Variants in TNRC6B observed in about 807,000 individuals in gnomAD.
The protein encoded by TNRC6B is trinucleotide repeat containing adaptor 6B.
A neutral mutation model predicts 203.6 loss-of-function variants in TNRC6B; 52 were observed. That is an observed-to-expected ratio of 0.26 (90% CI 0.20 to 0.32). The LOEUF (loss-of-function observed/expected upper bound fraction) is 0.32. TNRC6B is among the 10% of genes least tolerant of loss of function. The probability of loss-of-function intolerance (pLI) is 1.00; values close to 1 mark genes in which losing one functional copy is unlikely to be tolerated. For synonymous variants in TNRC6B, 838 were observed against 845.7 expected (o/e 0.99, Z 0.16); for missense variants, 1,923 against 2,286.2 (o/e 0.84, Z 3.24).
chr22:40,320,461 C>T (rs2071320404), intron 21 of TNRC6B, among the ~76,000 whole-genome samples: 1 of 152,184 alleles, frequency 6.6e-6, no homozygotes, highest in Non-Finnish European at 1.5e-5. Context: ...GCCTGGGCAA[C>T]AGAGCAAGGC....
chr22:40,289,406 T>C (rs182605669), intron 12 of TNRC6B, among the ~76,000 whole-genome samples: 10 of 152,306 alleles, frequency 6.6e-5, no homozygotes, highest in Admixed American at 6.5e-4. Flanking sequence ...TACAGGAGTC[T>C]AGGTAAGGCA....
At chr22:40,297,022 C>T (rs1166872737) in intron 12 of TNRC6B, among the ~76,000 whole-genome samples, 1 of 152,134 alleles carries the variant, frequency 6.6e-6, no homozygotes, top group Admixed American at 6.5e-5. Context: ...AGGAAAGAAT[C>T]TAGATTATCA....
rs1430830429 is a variant in TNRC6B, at chr22:40,170,450, T to A, written c.113+14268T>A. ...TTATATATATAGTTTATATATATATTATATATATAGTTTATATATATATTA... is the reference window on the plus strand; with the variant it reads ...TTATATATATAGTTTATATATATATAATATATATAGTTTATATATATATTA... On this transcript the variant is annotated intron_variant, in intron 4 of 23. Transcript: ENST00000301923. 1.1e-3 allele frequency among the ~76,000 whole-genome samples: 16 copies of A among 13,974 alleles called. No homozygotes were observed. The East Asian group carries it at 0.019, about 17-fold the overall frequency. 9.2% of individuals were successfully genotyped at this position (13,974 alleles called of 152,430 possible). A position where few individuals can be genotyped will look rare whatever the true frequency, so the allele number is the denominator to read the frequency against.
chr22:40,250,626 G>T (rs1201025979), intron 2 of TNRC6B, among the ~76,000 whole-genome samples: 3 of 152,090 alleles, frequency 2.0e-5, no homozygotes, highest in Admixed American at 6.5e-5. Context: ...CCTTTGCAGG[G>T]TTTATACTAT....
At position 40,242,329 on chromosome 22, in the gene TNRC6B, A is replaced by G. The variant is rs185624317; in HGVS notation, c.6-3686A>G. Among the ~76,000 whole-genome samples, 11 of 152,314 alleles carry G rather than the reference A, an allele frequency of 7.2e-5. No homozygotes were observed. The East Asian group carries it at 2.1e-3, about 29-fold the overall frequency. ...GAGTTCACGTCAATAACTAATTTAG[A>G]TCCAACCCCACAGAGTTCATTTGAG... On this transcript the variant is annotated intron_variant, in intron 1 of 22. Coordinates refer to ENST00000454349, the MANE Select transcript of TNRC6B (RefSeq NM_001162501.2).
intron 3 of TNRC6B, among the ~76,000 whole-genome samples, chr22:40,150,559 C>CA (rs1304941040): frequency 2.6e-5 from 4 of 152,286 alleles, no homozygotes; most frequent in Non-Finnish European, 5.9e-5. Context: ...AGCAAGGCCC[C>CA]AGATACGCTT....
chr22:40,305,641 TGGGGTTTG>T (rs2071079349), intron 15 of TNRC6B, among the ~76,000 whole-genome samples: 1 of 152,134 alleles, frequency 6.6e-6, no homozygotes. Context: ...TCTCATACTT[TGGGGTTTG>T]TAGATTGAAC....
chr22:40,296,710 C>A (rs1285513954), intron 12 of TNRC6B, among the ~76,000 whole-genome samples: 2 of 151,904 alleles, frequency 1.3e-5, no homozygotes, highest in Non-Finnish European at 1.5e-5. Context: ...TTGCTGCAAC[C>A]TCCGCCACCT....
In TNRC6B at chr22:40,268,940, T is replaced by C. The variant is rs1005746266; in HGVS notation, c.2807-1182T>C. 9.3e-5 allele frequency among the ~76,000 whole-genome samples: 14 copies of C among 150,052 alleles called. No homozygotes were observed. In the Middle Eastern group the frequency reaches 0.01, roughly 112 times the overall value. Reference sequence around the variant, plus strand: ...AAAATAATAATAATAATAATAATAATAATAATCTTAACCCCTAGGGTCTCT... The same window carrying C: ...AAAATAATAATAATAATAATAATAACAATAATCTTAACCCCTAGGGTCTCT... On this transcript the variant is annotated intron_variant, in intron 5 of 22. Coordinates refer to ENST00000454349, the MANE Select transcript of TNRC6B (RefSeq NM_001162501.2).
upstream of TNRC6B, among the ~76,000 whole-genome samples, chr22:40,176,855 G>T (rs2069066989): frequency 6.6e-6 from 1 of 152,156 alleles, no homozygotes; most frequent in Non-Finnish European, 1.5e-5. Flanking sequence ...TTTTGAGATG[G>T]CCAGGAAAAG....
At chr22:40,078,838 C>T (rs564840682) in intron 1 of TNRC6B, among the ~76,000 whole-genome samples, 1 of 151,832 alleles carries the variant, frequency 6.6e-6, no homozygotes, top group South Asian at 2.1e-4. Flanking sequence ...GTTTGGGAGG[C>T]CGAGGTGGGT....
chr22:40,269,285 G>A (rs560010764), intron 5 of TNRC6B, among the ~76,000 whole-genome samples: 4 of 151,568 alleles, frequency 2.6e-5, no homozygotes, highest in Non-Finnish European at 4.4e-5. Flanking sequence ...GGCATGCGTC[G>A]TCACGCCCAG....
intron 1 of TNRC6B, among the ~76,000 whole-genome samples, chr22:40,203,714 CA>C (rs2069442551): frequency 1.3e-5 from 2 of 152,184 alleles, no homozygotes; most frequent in African/African-American, 4.8e-5. Flanking sequence ...CTGCTTCTGC[CA>C]ATTTTGTTTT....
chr22:40,073,199 AG>A (rs1381364649), intron 1 of TNRC6B, among the ~76,000 whole-genome samples: 1 of 148,040 alleles, frequency 6.8e-6, no homozygotes, highest in Non-Finnish European at 1.5e-5. Context: ...TATGTGGGAC[AG>A]CAGAAATGGT....
chr22:40,123,770 A>C (rs1441208293), intron 2 of TNRC6B, among the ~76,000 whole-genome samples: 1 of 152,240 alleles, frequency 6.6e-6, no homozygotes, highest in East Asian at 1.9e-4. Flanking sequence ...AGAGAAATGC[A>C]GTCTCTGTTT....
intron 3 of TNRC6B, among the ~76,000 whole-genome samples, chr22:40,261,495 T>G (rs1288336337): frequency 6.6e-6 from 1 of 151,858 alleles, no homozygotes; most frequent in Non-Finnish European, 1.5e-5. Context: ...GGAGAATTGC[T>G]TGAACCTGGG....
At chr22:40,237,818 C>G (rs536540492) in intron 1 of TNRC6B, among the ~76,000 whole-genome samples, 28 of 137,922 alleles carry the variant, frequency 2.0e-4, no homozygotes, top group Non-Finnish European at 4.2e-4. Context: ...TCTCTTCCCT[C>G]TTAGACACTC....
chr22:40,077,223 G>A (rs1052325857), intron 1 of TNRC6B, among the ~76,000 whole-genome samples: 2 of 151,960 alleles, frequency 1.3e-5, no homozygotes, highest in African/African-American at 2.4e-5. Flanking sequence ...TTTCGCTCAC[G>A]GTAGTCTGCA....
chr22:40,143,679 G>A (rs1360740623), intron 3 of TNRC6B, among the ~76,000 whole-genome samples: 3 of 152,110 alleles, frequency 2.0e-5, no homozygotes, highest in Admixed American at 2.0e-4. Context: ...TGTATTTTTA[G>A]TAGAGACAGG....
Sources: gnomAD v4.1 joint callset for allele counts (sites outside exome capture counted in the v4.1 genomes callset) on GRCh38, gnomAD v4.1.1 for gene constraint, MANE v1.5 for transcripts, NCBI Gene and HGNC (gene_info 2026-07-23, HGNC 2026-07-21) for gene names.